Variants in CALD1 observed in about 807,000 individuals in gnomAD.
CALD1 encodes the protein caldesmon 1, also known as caldesmon.
CALD1 carries 33 observed loss-of-function variants against 99.9 expected under a neutral mutation model. The observed-to-expected ratio is 0.33, with a 90% CI of 0.25 to 0.44. CALD1 has a LOEUF of 0.44. Ranked by LOEUF, CALD1 falls within the 20% of genes least tolerant of loss-of-function variation. The pLI is 1.00. For synonymous variants in CALD1, 310 were observed against 325.0 expected, an observed-to-expected ratio of 0.95 and a Z score of 0.50; for missense variants, 861 against 962.1, an observed-to-expected ratio of 0.89 and a Z score of 1.39.
At chr7:134,848,783 G>A (rs3800733) in intron 2 of CALD1, among the ~76,000 whole-genome samples, 21,468 of 152,094 alleles carry the variant, frequency 0.14, 2,027 homozygotes, top group African/African-American at 0.27. Flanking sequence ...GAGAGACTCC[G>A]GGAATCTAGC....
At chr7:134,761,105 G>A (rs938987630) in intron 1 of CALD1, among the ~76,000 whole-genome samples, 14 of 152,282 alleles carry the variant, frequency 9.2e-5, no homozygotes, top group Middle Eastern at 3.4e-3. Context: ...TGACCAGTCA[G>A]AGATAAATCA....
intron 7 of CALD1, among the ~76,000 whole-genome samples, chr7:134,942,207 C>A (rs919119608): frequency 1.3e-5 from 2 of 152,136 alleles, no homozygotes; most frequent in African/African-American, 4.8e-5. Flanking sequence ...TGCCTAGTGA[C>A]CCTGTTTTTC....
At chr7:134,751,796 C>T (rs1437500758) in intron 1 of CALD1, among the ~76,000 whole-genome samples, 2 of 152,060 alleles carry the variant, frequency 1.3e-5, no homozygotes, top group African/African-American at 2.4e-5. Flanking sequence ...GGCAACATGG[C>T]GAAACCCTAT....
chr7:134,894,637 AT>A (rs1308535047), intron 3 of CALD1, among the ~76,000 whole-genome samples: 6 of 152,114 alleles, frequency 3.9e-5, no homozygotes, highest in African/African-American at 1.4e-4. Context: ...ATTGGCTGTG[AT>A]TTTTTAATGA....
At chr7:134,940,557 C>A (rs1806349727) in intron 6 of CALD1, among the ~76,000 whole-genome samples, 1 of 152,298 alleles carries the variant, frequency 6.6e-6, no homozygotes, top group African/African-American at 2.4e-5. Context: ...ATGTCCCATC[C>A]TTGGGACATA....
At chr7:134,746,294 A>AAGT (rs1796634237) in intron 1 of CALD1, among the ~76,000 whole-genome samples, 1 of 152,244 alleles carries the variant, frequency 6.6e-6, no homozygotes, top group African/African-American at 2.4e-5. Context: ...GTGAGGACAC[A>AAGT]GCAAGAAGGC....
At chr7:134,951,511 CTT>C (rs1807335314) in intron 9 of CALD1, among the ~76,000 whole-genome samples, 1 of 152,090 alleles carries the variant, frequency 6.6e-6, no homozygotes, top group African/African-American at 2.4e-5. Context: ...TTCATTTTTT[CTT>C]TGTCATGATT....
intron 1 of CALD1, among the ~76,000 whole-genome samples, chr7:134,838,828 C>A (rs1366077380): frequency 6.6e-6 from 1 of 151,996 alleles, no homozygotes; most frequent in African/African-American, 2.4e-5. Context: ...GTGAACTTTC[C>A]TGATTTTATA....
At chr7:134,717,588 C>T in the CALD1 span, among the ~76,000 whole-genome samples, 1 of 152,232 alleles carries the variant, frequency 6.6e-6, no homozygotes, top group East Asian at 1.9e-4. Context: ...TGGAATCCAG[C>T]TGCACTTGGC....
chr7:134,830,691 C>T (rs552015464), intron 1 of CALD1, among the ~76,000 whole-genome samples: 1 of 152,252 alleles, frequency 6.6e-6, no homozygotes, highest in South Asian at 2.1e-4. Context: ...CGTTAGTTTG[C>T]TAAGGATAAT....
intron 1 of CALD1, among the ~76,000 whole-genome samples, chr7:134,813,000 C>A (rs1270479219): frequency 1.3e-5 from 2 of 152,120 alleles, no homozygotes; most frequent in African/African-American, 2.4e-5. Context: ...GAAAGAGAAC[C>A]AGGAGGGTGA....
At chr7:134,753,501 T>A (rs527952857) in intron 1 of CALD1, among the ~76,000 whole-genome samples, 4 of 152,246 alleles carry the variant, frequency 2.6e-5, no homozygotes, top group Admixed American at 2.6e-4. Context: ...AATACTGACA[T>A]CCGGCTCCAC....
chr7:134,951,637 C>T (rs1807347564), intron 9 of CALD1, among the ~76,000 whole-genome samples: 1 of 152,188 alleles, frequency 6.6e-6, no homozygotes, highest in Admixed American at 6.5e-5. Flanking sequence ...CTATGACAGC[C>T]TTCATGGAGC....
intron 3 of CALD1, among the ~76,000 whole-genome samples, chr7:134,868,898 C>T (rs574729614): frequency 6.6e-6 from 1 of 152,302 alleles, no homozygotes; most frequent in African/African-American, 2.4e-5. Context: ...ATATATAAAA[C>T]AGGCATAATA....
chr7:134,948,182 C>T, intron 8 of CALD1: 1 of 154,404 alleles, frequency 6.5e-6, no homozygotes, highest in Non-Finnish European at 1.4e-5. Flanking sequence ...TTATGGTTTT[C>T]TAATAGTTGG....
chr7:134,715,806 A>T, the CALD1 span, among the ~76,000 whole-genome samples: 1 of 152,226 alleles, frequency 6.6e-6, no homozygotes, highest in Non-Finnish European at 1.5e-5. Context: ...AAATTTTCTC[A>T]TAAAGTCATG....
chr7:134,933,226 A>C lies in CALD1; in HGVS notation c.457A>C (p.Ser153Arg), dbSNP rs746342061. 1 of 1,610,744 alleles carries C rather than the reference A, an allele frequency of 6.2e-7. No homozygotes were observed. The highest frequency in any genetic ancestry group is 1.3e-5 in the African/African-American group (1 of 74,300). The change falls in exon 5 of 15, where the codon AGT becomes CGT. Residue 153 changes from serine to arginine, a missense_variant. Coordinates refer to ENST00000361675, the MANE Select transcript of CALD1 (RefSeq NM_033138.4). ...ENETTEKEEK[S>R]ESRQERYEIE... Reference sequence around the variant, plus strand: ...TGAAACTACCGAGAAGGAAGAAAAAAGTGAAAGTCGCCAAGAAAGATACGA... The same window carrying C: ...TGAAACTACCGAGAAGGAAGAAAAACGTGAAAGTCGCCAAGAAAGATACGA...
At chr7:134,866,358 T>A (rs1053548436) in intron 2 of CALD1, among the ~76,000 whole-genome samples, 2 of 152,182 alleles carry the variant, frequency 1.3e-5, no homozygotes, top group Non-Finnish European at 2.9e-5. Flanking sequence ...ACATCAAAAA[T>A]TTAAAACCCC....
chr7:134,726,498 TAG>T, the CALD1 span, among the ~76,000 whole-genome samples: 214 of 139,896 alleles, frequency 1.5e-3, 12 homozygotes, highest in African/African-American at 5.6e-3. Context: ...TATATAGCTT[TAG>T]ATATATAATA....
Sources: allele counts gnomAD v4.1 joint callset (sites outside exome capture counted in the v4.1 genomes callset), GRCh38; gene constraint gnomAD v4.1.1; transcripts MANE v1.5; gene names NCBI Gene and HGNC (gene_info 2026-07-23, HGNC 2026-07-21).